Variants in ALK observed in about 807,000 individuals in gnomAD.
The protein encoded by ALK is ALK receptor tyrosine kinase.
In ALK, 74 loss-of-function variants were observed where a neutral mutation model predicts 163.1. The ratio of observed to expected loss-of-function variants is 0.45; its 90% confidence interval spans 0.38 to 0.55. The LOEUF (loss-of-function observed/expected upper bound fraction) is 0.55. Among genes scored for constraint, ALK ranks in the 20% least tolerant of loss-of-function variants. The probability of loss-of-function intolerance (pLI) is 0.00; values close to 1 mark genes in which losing one functional copy is unlikely to be tolerated. For missense variants in ALK, 2,063 were observed against 2,105.3 expected (o/e 0.98, Z 0.39); for synonymous variants, 960 against 843.2 (o/e 1.14, Z -2.40).
intron 1 of ALK, among the ~76,000 whole-genome samples, chr2:29,731,944 C>T (rs1175368383): frequency 1.3e-5 from 2 of 152,212 alleles, no homozygotes; most frequent in African/African-American, 4.8e-5. Context: ...CTATTAATTT[C>T]TCATACTCAG....
chr2:29,785,746 A>T (rs1232131093), intron 1 of ALK, among the ~76,000 whole-genome samples: 3 of 152,026 alleles, frequency 2.0e-5, no homozygotes, highest in Admixed American at 6.6e-5. Flanking sequence ...AAAGCCACAG[A>T]CCACTACCAC....
intron 4 of ALK, among the ~76,000 whole-genome samples, chr2:29,523,348 C>A (rs1672865718): frequency 6.6e-6 from 1 of 152,158 alleles, no homozygotes; most frequent in South Asian, 2.1e-4. Context: ...CCCATTACAC[C>A]CCTTTCCTTA....
At chr2:29,518,128 GTCTC>G (rs1402087490) in intron 4 of ALK, among the ~76,000 whole-genome samples, 1 of 152,206 alleles carries the variant, frequency 6.6e-6, no homozygotes, top group East Asian at 1.9e-4. Flanking sequence ...GCATGAGGCA[GTCTC>G]TCTGGCATGA....
At chr2:29,416,969 A>T in intron 4 of ALK, among the ~76,000 whole-genome samples, 3 of 119,820 alleles carry the variant, frequency 2.5e-5, no homozygotes, top group Middle Eastern at 4.6e-3. Context: ...TGTTTTATAG[A>T]TGTTTGATGC....
chr2:29,398,427 T>C (rs1669363600), intron 4 of ALK, among the ~76,000 whole-genome samples: 2 of 152,236 alleles, frequency 1.3e-5, no homozygotes, highest in African/African-American at 4.8e-5. Context: ...TCCCAAGAGA[T>C]GTATGCAAAG....
intron 24 of ALK, 34 bp downstream of exon 24, chr2:29,213,950 G>A (rs1459229294): frequency 3.2e-6 from 5 of 1,565,596 alleles, no homozygotes; most frequent in South Asian, 2.2e-5. Context: ...ATCAGCGACA[G>A]GATGACAGGA....
intron 3 of ALK, among the ~76,000 whole-genome samples, chr2:29,581,831 G>C (rs1036776022): frequency 6.6e-6 from 1 of 152,140 alleles, no homozygotes; most frequent in African/African-American, 2.4e-5. Flanking sequence ...CTGAGTTTTT[G>C]CTCAGTGATG....
At chr2:29,555,301 T>C (rs528936536) in intron 3 of ALK, among the ~76,000 whole-genome samples, 2 of 152,210 alleles carry the variant, frequency 1.3e-5, no homozygotes, top group East Asian at 3.9e-4. Context: ...TGAGGGTCAG[T>C]GGCCATTTAT....
chr2:29,906,950 T>TG (rs1469674929), intron 1 of ALK, among the ~76,000 whole-genome samples: 3 of 138,758 alleles, frequency 2.2e-5, no homozygotes, highest in African/African-American at 8.1e-5. Flanking sequence ...TTTTTTTTTT[T>TG]TTTTTTTTTT....
intron 1 of ALK, among the ~76,000 whole-genome samples, chr2:29,773,243 C>A (rs1315265725): frequency 6.6e-6 from 1 of 152,110 alleles, no homozygotes; most frequent in Non-Finnish European, 1.5e-5. Context: ...TACACACACA[C>A]ACACACACAC....
intron 5 of ALK, 138 bp downstream of exon 5, chr2:29,383,594 G>A: frequency 8.8e-7 from 1 of 1,135,610 alleles, no homozygotes; most frequent in South Asian, 1.3e-5. Flanking sequence ...TGGGATTACA[G>A]GTGTGAGCCA....
At chr2:29,694,402 T>C (rs1226937626) in intron 3 of ALK, among the ~76,000 whole-genome samples, 2 of 152,216 alleles carry the variant, frequency 1.3e-5, no homozygotes, top group Non-Finnish European at 2.9e-5. Context: ...TGCAGGACAC[T>C]CAATTACATT....
In ALK at chr2:29,811,999, C is replaced by T. The variant is rs959485833; in HGVS notation, c.668-94302G>A. Among the ~76,000 whole-genome samples the T allele has an allele frequency of 2.0e-5, 3 of 152,296 alleles. No homozygotes were observed. The South Asian group carries it at 6.2e-4, about 32-fold the overall frequency. On this transcript the variant is annotated intron_variant, in intron 1 of 28. Transcript: ENST00000389048. ...GGTGAAACACACATGGCAAAGATGA[C>T]AAGGTAAATCCCTGTTTTGAAAAGG...
intron 2 of ALK, 143 bp downstream of exon 2, chr2:29,717,435 C>T (rs1037968773): frequency 2.0e-6 from 2 of 980,412 alleles, no homozygotes; most frequent in Admixed American, 3.9e-5. Flanking sequence ...CACTGGGAGA[C>T]AGAGGGCTCA....
intron 3 of ALK, among the ~76,000 whole-genome samples, chr2:29,668,380 A>C (rs753104795): frequency 6.6e-6 from 1 of 151,970 alleles, no homozygotes; most frequent in African/African-American, 2.4e-5. Context: ...TTTTTAAAAC[A>C]TAGGTATTTA....
At chr2:29,780,761 C>T (rs560259273) in intron 1 of ALK, among the ~76,000 whole-genome samples, 13 of 152,280 alleles carry the variant, frequency 8.5e-5, no homozygotes, top group Admixed American at 3.3e-4. Flanking sequence ...ATGATACTGG[C>T]GAGAGTGTCT....
In ALK at chr2:29,227,161, G is replaced by A. The variant is rs2148179002; in HGVS notation, c.2915-87C>T. 6.4e-7 allele frequency: 1 copy of A among 1,572,982 alleles called. No individual in the cohort carries two copies. Among genetic ancestry groups the A allele is most frequent in the Non-Finnish European group, 8.7e-7 (1 of 1,145,036 alleles). On this transcript the variant is annotated intron_variant, in intron 17 of 28. Transcript: ENST00000389048. The surrounding 1 kb of genome is among the most constrained non-coding windows in gnomAD (Gnocchi z 4.4). Reference sequence around the variant, plus strand: ...TACTATGTCTCCAGGTGGTCACTGTGGGTGCTCTGGTGGTCCCTGTTCCTA... The same window carrying A: ...TACTATGTCTCCAGGTGGTCACTGTAGGTGCTCTGGTGGTCCCTGTTCCTA...
At chr2:29,695,950 G>C (rs1310912467) in intron 2 of ALK, among the ~76,000 whole-genome samples, 1 of 152,222 alleles carries the variant, frequency 6.6e-6, no homozygotes, top group Non-Finnish European at 1.5e-5. Context: ...GTGGAAGACA[G>C]GGTGGCGATT....
intron 1 of ALK, among the ~76,000 whole-genome samples, chr2:29,911,591 C>T (rs571675932): frequency 9.2e-5 from 14 of 152,330 alleles, no homozygotes; most frequent in African/African-American, 1.9e-4. Flanking sequence ...TATGCTAATT[C>T]GCTGACGGAA....
Sources: allele counts gnomAD v4.1 joint callset (sites outside exome capture counted in the v4.1 genomes callset), GRCh38; gene constraint gnomAD v4.1.1; non-coding constraint Gnocchi (gnomAD v3.1); transcripts MANE v1.5; gene names NCBI Gene and HGNC (gene_info 2026-07-23, HGNC 2026-07-21).